The following GUSB variants were observed in gnomAD, a reference collection of about 807,000 sequenced individuals.
GUSB encodes glucuronidase beta, also known as beta-glucuronidase.
GUSB carries 51 observed loss-of-function variants against 74.6 expected under a neutral mutation model. The observed-to-expected ratio is 0.68, with a 90% confidence interval of 0.55 to 0.86. The LOEUF is 0.86. Ranked by LOEUF, GUSB falls within the 40% of genes least tolerant of loss-of-function variation. The probability of loss-of-function intolerance (pLI) is 0.00; values close to 1 mark genes in which losing one functional copy is unlikely to be tolerated. For synonymous variants in GUSB, 360 were observed against 348.3 expected (o/e 1.03, Z -0.37); for missense variants, 736 against 853.7 (o/e 0.86, Z 1.72).
intron 11 of GUSB, among the ~76,000 whole-genome samples, chr7:65,963,091 C>T (rs1790606096): frequency 6.6e-6 from 1 of 152,102 alleles, no homozygotes; most frequent in Non-Finnish European, 1.5e-5. Context: ...CTCCTGACCT[C>T]AGGTGATCTG....
rs375740757 is a variant in GUSB at position 65,979,879 on chromosome 7, C to T, written c.429G>A (p.Glu143=). 38 of 1,611,172 alleles carry T rather than the reference C, an allele frequency of 2.4e-5. No individual in the cohort carries two copies. The highest frequency in any genetic ancestry group is 4.5e-5 in the East Asian group (2 of 44,836). ...CGGCCTCGAAGGGGAGGTAGCCCCC[C>T]TCATGCTCTAGCGTGTCGACCCCAT... ...WVNGVDTLEH[E]GGYLPFEADI... is the part of the protein sequence containing the mutation. Residue 143 remains glutamate (E), a synonymous_variant, in exon 3 of 12, where the codon GAG becomes GAA. Transcript: ENST00000304895.
In GUSB at chr7:65,982,200, C is replaced by G; in HGVS notation, c.-17G>C. 4 of 1,497,510 alleles carry G rather than the reference C, an allele frequency of 2.7e-6. No individual in the cohort carries two copies. The highest frequency in any genetic ancestry group is 3.6e-6 in the Non-Finnish European group (4 of 1,123,300). The allele number at this position is 1,497,510 out of a possible 1,614,324, so 92.8% of individuals were successfully genotyped here. A position where few individuals can be genotyped will look rare whatever the true frequency, so the allele number is the denominator to read the frequency against. ...CCGGGCCATGCTTCCCGGTCCCCCG[C>G]TCGGCCACCGTCTGCGGCGCTAAGA... is the stretch of plus-strand genomic sequence containing the variant. On this transcript the variant is annotated 5_prime_UTR_variant, in exon 1 of 12. Transcript: ENST00000304895.
rs762757920 is a variant in GUSB at position 65,960,946 on chromosome 7, G to T, written c.1907C>A (p.Pro636His). The change falls in exon 12 of 12, where the codon CCC becomes CAC. Residue 636 changes from proline (P) to histidine (H), a missense_variant. Transcript: ENST00000304895. ...ACATTGTGACTTGGCTACTGAGTGG[G>T]GATACCTGGTTTCATTGGCAATCTT... is the stretch of plus-strand genomic sequence containing the variant. Reference protein sequence around the residue: ...YWKIANETRYPHSVAKSQCLE... With the variant: ...YWKIANETRYHHSVAKSQCLE... 3 of 1,613,876 alleles carry T rather than the reference G, an allele frequency of 1.9e-6. No individual in the cohort carries two copies. Among genetic ancestry groups the T allele is most frequent in the Admixed American group, 1.7e-5 (1 of 59,978 alleles).
chr7:65,980,076 T>C (rs1011541170), intron 2 of GUSB, 148 bp downstream of exon 2: 2 of 962,876 alleles, frequency 2.1e-6, no homozygotes, highest in African/African-American at 3.2e-5. Flanking sequence ...CCTATCCCCC[T>C]ATACAGGGCA....
At chr7:65,972,374 C>T (rs116805163) in intron 8 of GUSB, among the ~76,000 whole-genome samples, 343 of 152,236 alleles carry the variant, frequency 2.3e-3, no homozygotes, top group African/African-American at 7.3e-3. Flanking sequence ...CTGTTGGCCA[C>T]GCCGGTCTCA....
At chr7:65,979,374 A>C in intron 4 of GUSB, 25 bp downstream of exon 4, 1 of 1,611,094 alleles carries the variant, frequency 6.2e-7, no homozygotes, top group Non-Finnish European at 8.5e-7. Context: ...GGCCCCGCTG[A>C]GAGGATCCTA....
chr7:65,974,793 C>T (rs1252208638), intron 6 of GUSB, 89 bp from the exon 7 acceptor site: 6 of 1,550,274 alleles, frequency 3.9e-6, no homozygotes, highest in African/African-American at 2.7e-5. Context: ...ACCCCATGAG[C>T]CCCCTCTCCA....
chr7:65,980,185 G>GGGGGGGGGCCCCCC, intron 2 of GUSB, 39 bp downstream of exon 2: 4 of 725,274 alleles, frequency 5.5e-6, no homozygotes, highest in South Asian at 1.5e-5. Context: ...CAGCAGCCGT[G>GGGGGGGGGCCCCCC]CCCCCCCACC....
intron 11 of GUSB, among the ~76,000 whole-genome samples, chr7:65,962,937 C>T (rs1359509677): frequency 6.6e-6 from 1 of 151,994 alleles, no homozygotes; most frequent in Non-Finnish European, 1.5e-5. Context: ...TAGCTCATTG[C>T]AACCTCCATC....
chr7:65,974,576 G>A lies in GUSB; in HGVS notation c.1194C>T (p.Arg398=), dbSNP rs1224278475. The change falls in exon 7 of 12, where the codon CGC becomes CGT. Residue 398 remains arginine (R), a synonymous_variant. Transcript: ENST00000304895. ...ACTCATCGATGACCACAATCCCATA[G>A]CGGTCACACATCTGCATCACTTCCT... is the stretch of plus-strand genomic sequence containing the variant. ...YAEEVMQMCD[R]YGIVVIDECP... 1.9e-6 allele frequency: 3 copies of A among 1,614,102 alleles called. No individual in the cohort carries two copies. The highest frequency in any genetic ancestry group is 2.5e-6 in the Non-Finnish European group (3 of 1,180,058).
At chr7:65,974,207 C>T (rs994900810) in intron 8 of GUSB, 88 bp downstream of exon 8, 11 of 1,322,672 alleles carry the variant, frequency 8.3e-6, no homozygotes, top group East Asian at 6.9e-5. Context: ...GACACGAGGC[C>T]GATCTTGAAC....
At chr7:65,974,504 C>T in intron 7 of GUSB, 22 bp downstream of exon 7, 2 of 1,614,118 alleles carry the variant, frequency 1.2e-6, no homozygotes, top group Non-Finnish European at 1.7e-6. Context: ...GCAGGCGGAG[C>T]AGGTGCACAG....
Position 65,976,024 on chromosome 7 carries a change from A to G in GUSB, c.903T>C (p.Tyr301=). Residue 301 remains tyrosine, a synonymous_variant, in exon 5 of 12, where the codon TAT becomes TAC. Transcript: ENST00000304895. ...CCCAAACCACCATTACCTCCAATGA[A>G]TACAGATAGGCAGGGCGTTCGTGCA... The part of the protein sequence containing the change: ...YLMHERPAYL[Y]SLEVQLTAQT... The G allele has an allele frequency of 6.2e-7, 1 of 1,613,606 alleles. No homozygotes were observed. Among genetic ancestry groups the G allele is most frequent in the Non-Finnish European group, 8.5e-7 (1 of 1,179,926 alleles).
intron 9 of GUSB, among the ~76,000 whole-genome samples, chr7:65,968,180 C>G (rs1337917590): frequency 1.0e-4 from 15 of 149,058 alleles, no homozygotes; most frequent in Admixed American, 9.4e-4. Context: ...ATCACTTGAT[C>G]CCAGGAGTTC....
intron 5 of GUSB, 86 bp from the exon 6 acceptor site, chr7:65,975,157 A>G (rs1421998406): frequency 8.4e-7 from 1 of 1,193,456 alleles, no homozygotes; most frequent in East Asian, 2.3e-5. Flanking sequence ...CCCCTCGTGC[A>G]CCCCAGCAGC....
At chr7:65,975,153 G>T in intron 5 of GUSB, 82 bp from the exon 6 acceptor site, 1 of 1,229,824 alleles carries the variant, frequency 8.1e-7, no homozygotes, top group Non-Finnish European at 1.2e-6. Context: ...AAGGCCCCTC[G>T]TGCACCCCAG....
intron 4 of GUSB, among the ~76,000 whole-genome samples, chr7:65,976,965 G>A (rs1007447875): frequency 1.3e-5 from 2 of 151,894 alleles, no homozygotes; most frequent in Admixed American, 6.6e-5. Context: ...ACTGAGACAC[G>A]TGACGTGTGA....
intron 8 of GUSB, among the ~76,000 whole-genome samples, chr7:65,971,575 A>G (rs1029463009): frequency 6.6e-6 from 1 of 152,002 alleles, no homozygotes; most frequent in African/African-American, 2.4e-5. Context: ...AAAAAATACA[A>G]AAAAAACCTA....
chr7:65,980,226 C>A lies in GUSB; in HGVS notation c.394G>T (p.Val132Leu). The A allele has an allele frequency of 3.7e-6, 6 of 1,602,152 alleles. No homozygotes were observed. The highest frequency in any genetic ancestry group is 5.1e-6 in the Non-Finnish European group (6 of 1,173,866). The change falls in exon 2 of 12, where the codon GTG (valine) becomes TTG (leucine). Residue 132 changes from valine to leucine, a missense_variant and splice_region_variant. By Grantham distance (32) the Val-to-Leu change is conservative. Around this residue, in one of 2 missense-constraint regions of GUSB, gnomAD observed 368 missense variants for 363.8 expected, o/e 1.01. Coordinates refer to ENST00000304895, the MANE Select transcript of GUSB (RefSeq NM_000181.4). ...TGCCTGCTCCTGGCCGCACTGACCACGATGGCATAGGAATGGGCACTGCCA... is the reference window on the plus strand; with the variant it reads ...TGCCTGCTCCTGGCCGCACTGACCAAGATGGCATAGGAATGGGCACTGCCA... ...RIGSAHSYAI[V>L]WVNGVDTLEH...
Sources: gnomAD v4.1 joint callset for allele counts (sites outside exome capture counted in the v4.1 genomes callset) on GRCh38, gnomAD v4.1.1 for gene constraint, gnomAD v4.1.1 regional missense constraint, MANE v1.5 for transcripts, NCBI Gene and HGNC (gene_info 2026-07-23, HGNC 2026-07-21) for gene names.